MALRD1: variants seen among roughly 807,000 people sequenced by gnomAD.
The protein encoded by MALRD1 is MAM and LDL receptor class A domain containing 1.
In MALRD1, 247 loss-of-function variants were observed where a neutral mutation model predicts 242.1. The ratio of observed to expected loss-of-function variants is 1.02; its 90% confidence interval spans 0.92 to 1.13. The LOEUF (loss-of-function observed/expected upper bound fraction) is 1.13, where lower values mean the gene tolerates loss of function less well. Ranked by LOEUF, MALRD1 falls within the 50% of genes most tolerant of loss-of-function variation. MALRD1 has a pLI of 0.00. For missense variants in MALRD1, 2,989 were observed against 2,533.1 expected, an observed-to-expected ratio of 1.18 and a Z score of -3.86; for synonymous variants, 995 against 866.6, an observed-to-expected ratio of 1.15 and a Z score of -2.60.
In MALRD1 at chr10:19,393,995, C is replaced by G. The variant is rs1846461824; in HGVS notation, c.4845+4386C>G. ...TTGGAACTCTTCCATCTGTAATAAA[C>G]TGTTGATGTTTTAATCAAGATTACT... On this transcript the variant is annotated intron_variant, in intron 28 of 39. Transcript: ENST00000454679. Among the ~76,000 whole-genome samples, 3 of 152,120 alleles carry G rather than the reference C, an allele frequency of 2.0e-5. No individual in the cohort carries two copies. In the South Asian group the frequency reaches 6.2e-4, roughly 31 times the overall value.
rs939167118 is a variant in MALRD1, at chr10:19,302,442, C to T, written c.3419+19261C>T. ...AATGTTATATCCGTATAAGGAAATG[C>T]TATTCAGCTGTAAAATGGAATGACG... On this transcript the variant is annotated intron_variant, in intron 21 of 39. Coordinates refer to ENST00000454679, the MANE Select transcript of MALRD1 (RefSeq NM_001142308.3). Among the ~76,000 whole-genome samples, 3 of 151,892 alleles carry T rather than the reference C, an allele frequency of 2.0e-5. No individual in the cohort carries two copies. In the East Asian group the frequency reaches 5.8e-4, roughly 30 times the overall value.
intron 30 of MALRD1, 140 bp from the exon 31 acceptor site, chr10:19,498,345 G>T (rs1837815653): frequency 1.3e-6 from 1 of 741,020 alleles, no homozygotes; most frequent in South Asian, 2.3e-5. Flanking sequence ...TTAACAATGA[G>T]TACAAATGTC....
intron 33 of MALRD1, among the ~76,000 whole-genome samples, chr10:19,582,165 T>G (rs993746123): frequency 6.6e-6 from 1 of 152,124 alleles, no homozygotes; most frequent in African/African-American, 2.4e-5. Flanking sequence ...TCTCCCATTC[T>G]GTAGGTTGCC....
chr10:19,526,777 C>A (rs1306993834), intron 31 of MALRD1, among the ~76,000 whole-genome samples: 2 of 152,074 alleles, frequency 1.3e-5, no homozygotes, highest in African/African-American at 4.8e-5. Context: ...GATTATCATT[C>A]CCAGTGAATT....
intron 33 of MALRD1, among the ~76,000 whole-genome samples, chr10:19,591,485 CCTTTT>C (rs1209555063): frequency 2.0e-5 from 3 of 148,576 alleles, no homozygotes; most frequent in African/African-American, 7.5e-5. Flanking sequence ...TTCCTTCCTT[CCTTTT>C]ATTTTAGTTT....
chr10:19,204,651 A>G (rs1836709145), intron 16 of MALRD1, among the ~76,000 whole-genome samples: 2 of 152,156 alleles, frequency 1.3e-5, no homozygotes, highest in Non-Finnish European at 2.9e-5. Context: ...TTATAATTTA[A>G]TTAAGATTTC....
rs34790120 is a variant in MALRD1 at position 19,182,324 on chromosome 10, A to ATTTTTTTTTT, written c.1951+7011_1951+7020dup. Among the ~76,000 whole-genome samples, 17 of 81,960 alleles carry ATTTTTTTTTT rather than the reference A, an allele frequency of 2.1e-4. 1 individual carries two copies. The highest frequency in any genetic ancestry group is 5.4e-4 in the Admixed American group (3 of 5,600). The allele number at this position is 81,960 out of a possible 152,430, so 53.8% of individuals were successfully genotyped here. ...AACACAGTCTGCCTCCAAAACCTAC[A>ATTTTTTTTTT]TTTTTTTTTTTTTTTTTTTTTTTTG... On this transcript the variant is annotated intron_variant, in intron 14 of 39. Coordinates refer to ENST00000454679, the MANE Select transcript of MALRD1 (RefSeq NM_001142308.3).
At chr10:19,638,133 A>G (rs1840228638) in intron 36 of MALRD1, among the ~76,000 whole-genome samples, 2 of 150,360 alleles carry the variant, frequency 1.3e-5, no homozygotes, top group Admixed American at 6.6e-5. Context: ...AAAAAATAGA[A>G]TTCGGTACCC....
chr10:19,149,521 A>G (rs891696010), intron 11 of MALRD1, among the ~76,000 whole-genome samples: 1 of 152,094 alleles, frequency 6.6e-6, no homozygotes, highest in African/African-American at 2.4e-5. Context: ...ACACAGATAT[A>G]TATATAGTAG....
chr10:19,157,220 A>AT (rs75489999), intron 12 of MALRD1, among the ~76,000 whole-genome samples: 2 of 149,370 alleles, frequency 1.3e-5, no homozygotes, highest in South Asian at 4.3e-4. Context: ...TATAATATGA[A>AT]TTTTTTTAAT....
At chr10:19,178,138 ATTCTT>A (rs1400960067) in intron 14 of MALRD1, among the ~76,000 whole-genome samples, 1 of 152,150 alleles carries the variant, frequency 6.6e-6, no homozygotes, top group African/African-American at 2.4e-5. Flanking sequence ...CTTATGGAGA[ATTCTT>A]TTCTTAAATT....
intron 36 of MALRD1, among the ~76,000 whole-genome samples, chr10:19,637,593 A>C (rs1039980852): frequency 2.0e-5 from 3 of 152,178 alleles, no homozygotes; most frequent in Non-Finnish European, 4.4e-5. Flanking sequence ...TATGATTAAA[A>C]TTATTTTTGG....
At chr10:19,264,489 T>G (rs545740076) in intron 19 of MALRD1, among the ~76,000 whole-genome samples, 1 of 150,956 alleles carries the variant, frequency 6.6e-6, no homozygotes, top group East Asian at 2.0e-4. Flanking sequence ...AGTCTTGCTC[T>G]GTCGCCCAGG....
intron 26 of MALRD1, among the ~76,000 whole-genome samples, chr10:19,361,317 G>A (rs947460651): frequency 6.6e-6 from 1 of 152,114 alleles, no homozygotes; most frequent in African/African-American, 2.4e-5. Context: ...TGTGAGGGCA[G>A]GAGCTCAAGC....
chr10:19,545,450 G>C (rs952292852), intron 32 of MALRD1, among the ~76,000 whole-genome samples: 4 of 152,154 alleles, frequency 2.6e-5, no homozygotes, highest in Middle Eastern at 3.4e-3. Context: ...AGATTGGTTG[G>C]GTATAGATTT....
chr10:19,425,661 G>A (rs1164445936), intron 28 of MALRD1, among the ~76,000 whole-genome samples: 2 of 152,130 alleles, frequency 1.3e-5, no homozygotes, highest in Non-Finnish European at 2.9e-5. Context: ...GGAGTTCAGT[G>A]CATTCTCCTG....
intron 26 of MALRD1, among the ~76,000 whole-genome samples, chr10:19,378,925 A>G (rs1344157549): frequency 1.3e-5 from 2 of 151,992 alleles, no homozygotes; most frequent in Non-Finnish European, 2.9e-5. Context: ...CATCAGCCAA[A>G]TTTTGCCCTA....
intron 21 of MALRD1, among the ~76,000 whole-genome samples, chr10:19,292,720 G>A (rs1299713446): frequency 1.3e-5 from 2 of 151,624 alleles, no homozygotes; most frequent in South Asian, 2.1e-4. Flanking sequence ...GTGAAACCCC[G>A]TCTCTACTAA....
At chr10:19,289,622 G>A (rs1292737932) in intron 21 of MALRD1, among the ~76,000 whole-genome samples, 2 of 152,058 alleles carry the variant, frequency 1.3e-5, no homozygotes, top group African/African-American at 4.8e-5. Flanking sequence ...GCCAAGGAAG[G>A]CTTGAGATTA....
Sources: gnomAD v4.1 joint callset for allele counts (sites outside exome capture counted in the v4.1 genomes callset) on GRCh38, gnomAD v4.1.1 for gene constraint, MANE v1.5 for transcripts, NCBI Gene and HGNC (gene_info 2026-07-23, HGNC 2026-07-21) for gene names.